The following ARHGAP12 variants were observed in gnomAD, a reference collection of about 807,000 sequenced individuals.
ARHGAP12 encodes rho GTPase-activating protein 12.
A neutral mutation model predicts 108.6 loss-of-function variants in ARHGAP12; 64 were observed. That is an observed-to-expected ratio of 0.59 (90% CI 0.48 to 0.73). The LOEUF (loss-of-function observed/expected upper bound fraction) is 0.73. ARHGAP12 is among the 30% of genes least tolerant of loss of function. The probability of loss-of-function intolerance (pLI) is 0.00; values close to 1 mark genes in which losing one functional copy is unlikely to be tolerated. For synonymous variants in ARHGAP12, 312 were observed against 337.2 expected, an observed-to-expected ratio of 0.93 and a Z score of 0.82; for missense variants, 940 against 1,005.9, an observed-to-expected ratio of 0.93 and a Z score of 0.89.
chr10:31,818,026 G>A (rs1183830813), intron 12 of ARHGAP12, 140 bp from the exon 13 acceptor site: 2 of 622,462 alleles, frequency 3.2e-6, no homozygotes, highest in Admixed American at 6.8e-5. Flanking sequence ...AAGGTTAAAG[G>A]ACTACACGGC....
intron 4 of ARHGAP12, among the ~76,000 whole-genome samples, chr10:31,860,717 G>A (rs1370595403): frequency 6.6e-6 from 1 of 152,160 alleles, no homozygotes; most frequent in Non-Finnish European, 1.5e-5. Flanking sequence ...GCCATACTAA[G>A]CCAATAGAGA....
intron 10 of ARHGAP12, among the ~76,000 whole-genome samples, chr10:31,828,194 T>G (rs1835692503): frequency 6.8e-6 from 1 of 147,894 alleles, no homozygotes; most frequent in African/African-American, 2.5e-5. Context: ...TGCTTTACTT[T>G]CTATACCTTT....
chr10:31,907,138 C>G (rs756335616), intron 3 of ARHGAP12, among the ~76,000 whole-genome samples: 1 of 152,278 alleles, frequency 6.6e-6, no homozygotes, highest in African/African-American at 2.4e-5. Context: ...GGGCACCCCT[C>G]GCAATTATTC....
At chr10:31,867,116 T>A (rs1327744664) in intron 3 of ARHGAP12, among the ~76,000 whole-genome samples, 2 of 150,322 alleles carry the variant, frequency 1.3e-5, no homozygotes, top group African/African-American at 5.0e-5. Flanking sequence ...TTTCTTTTTT[T>A]TGTTTTTTTT....
Position 31,805,623 on chromosome 10 carries a change from G to A in ARHGAP12, c.*2035C>T, listed in dbSNP as rs922723931. The A allele has an allele frequency of 1.5e-4, 22 of 145,738 alleles. 2 individuals carry two copies. The highest frequency in any genetic ancestry group is 5.5e-4 in the African/African-American group (21 of 38,130). The allele number at this position is 145,738 out of a possible 1,614,324, so 9.0% of individuals were successfully genotyped here. ...CAATATTACAATAAACTGATTAGCT[G>A]TAGACTAATAAAACATTTAAGACTT... is the stretch of plus-strand genomic sequence containing the variant. On this transcript the variant is annotated 3_prime_UTR_variant, in exon 20 of 20. Transcript: ENST00000344936.
chr10:31,911,412 T>TCAAGCAATTTTCC (rs1297390109), intron 1 of ARHGAP12, among the ~76,000 whole-genome samples: 1 of 152,182 alleles, frequency 6.6e-6, no homozygotes, highest in African/African-American at 2.4e-5. Flanking sequence ...CCTCCTGGGC[T>TCAAGCAATTTTCC]CAAGCAATTT....
intron 3 of ARHGAP12, among the ~76,000 whole-genome samples, chr10:31,886,947 T>G (rs1838211774): frequency 1.3e-5 from 2 of 152,264 alleles, no homozygotes; most frequent in South Asian, 4.1e-4. Context: ...TATCTAATTG[T>G]GATAATAAAA....
At chr10:31,847,066 T>C (rs2132267400) in intron 6 of ARHGAP12, among the ~76,000 whole-genome samples, 1 of 152,236 alleles carries the variant, frequency 6.6e-6, no homozygotes, top group Admixed American at 6.5e-5. Flanking sequence ...TCCCTTTGGT[T>C]TTTCTGTATA....
At chr10:31,852,348 T>C (rs1344533939) in intron 6 of ARHGAP12, among the ~76,000 whole-genome samples, 169 bp downstream of exon 6, 1 of 152,164 alleles carries the variant, frequency 6.6e-6, no homozygotes, top group Non-Finnish European at 1.5e-5. Flanking sequence ...AAGACACCTG[T>C]ACATCTTAGA....
intron 7 of ARHGAP12, among the ~76,000 whole-genome samples, chr10:31,840,600 T>C (rs1373127013): frequency 6.6e-6 from 1 of 152,152 alleles, no homozygotes; most frequent in Non-Finnish European, 1.5e-5. Context: ...AAAAGTTCCT[T>C]TGAACATTCA....
intron 3 of ARHGAP12, among the ~76,000 whole-genome samples, chr10:31,891,110 T>C (rs1425780056): frequency 6.6e-6 from 1 of 152,224 alleles, no homozygotes; most frequent in Non-Finnish European, 1.5e-5. Context: ...GGGAACTGGT[T>C]TTGTGAACCC....
chr10:31,907,681 A>G (rs1292327960), intron 3 of ARHGAP12, among the ~76,000 whole-genome samples: 1 of 151,786 alleles, frequency 6.6e-6, no homozygotes, highest in Non-Finnish European at 1.5e-5. Flanking sequence ...ATTTTTCCAG[A>G]CTAATACTCA....
chr10:31,842,975 T>C (rs1034611062), intron 7 of ARHGAP12, among the ~76,000 whole-genome samples: 5 of 152,118 alleles, frequency 3.3e-5, no homozygotes, highest in Non-Finnish European at 7.4e-5. Flanking sequence ...GCAGAGAGCA[T>C]TTAGAGAAAC....
chr10:31,910,473 C>A (rs1218641324), intron 2 of ARHGAP12, 52 bp downstream of exon 2: 1 of 151,872 alleles, frequency 6.6e-6, no homozygotes, highest in East Asian at 1.9e-4. Flanking sequence ...TCTAGACAAA[C>A]TACTTGACTA....
At chr10:31,866,482 G>T (rs1837327017) in intron 3 of ARHGAP12, among the ~76,000 whole-genome samples, 1 of 151,960 alleles carries the variant, frequency 6.6e-6, no homozygotes, top group Admixed American at 6.6e-5. Context: ...TGGTTTGCAG[G>T]AATCAGCCCA....
intron 15 of ARHGAP12, among the ~76,000 whole-genome samples, chr10:31,811,663 C>CTTTTT (rs539506155): frequency 1.9e-5 from 1 of 51,762 alleles, no homozygotes; most frequent in Non-Finnish European, 3.5e-5. Flanking sequence ...TCTTAAATAC[C>CTTTTT]TTTTTTATTT....
chr10:31,906,824 G>C (rs935135832), intron 3 of ARHGAP12, among the ~76,000 whole-genome samples: 2 of 152,136 alleles, frequency 1.3e-5, no homozygotes, highest in African/African-American at 4.8e-5. Flanking sequence ...GTGAAATTGT[G>C]GTGATGGCTG....
intron 9 of ARHGAP12, among the ~76,000 whole-genome samples, chr10:31,833,905 A>C (rs895740553): frequency 1.3e-5 from 2 of 152,210 alleles, no homozygotes; most frequent in Non-Finnish European, 2.9e-5. Flanking sequence ...GCAAGAAATG[A>C]GGTAGCAGAA....
chr10:31,826,569 G>T (rs973357315), intron 10 of ARHGAP12, among the ~76,000 whole-genome samples, 184 bp from the exon 11 acceptor site: 5 of 152,138 alleles, frequency 3.3e-5, no homozygotes, highest in African/African-American at 1.2e-4. Flanking sequence ...GTTCAAACCT[G>T]ATCATGAAGG....
Sources: allele counts gnomAD v4.1 joint callset (sites outside exome capture counted in the v4.1 genomes callset), GRCh38; gene constraint gnomAD v4.1.1; transcripts MANE v1.5; gene names NCBI Gene and HGNC (gene_info 2026-07-23, HGNC 2026-07-21).